Variants in CNOT1 observed in about 807,000 individuals in gnomAD.
The protein encoded by CNOT1 is CCR4-associated factor 1.
CNOT1 carries 15 observed loss-of-function variants against 273.8 expected under a neutral mutation model. The ratio of observed to expected loss-of-function variants is 0.05; its 90% CI spans 0.04 to 0.08. The LOEUF is 0.08. Ranked by LOEUF, CNOT1 falls within the 10% of genes least tolerant of loss-of-function variation. The probability of loss-of-function intolerance (pLI) is 1.00; values close to 1 mark genes in which losing one functional copy is unlikely to be tolerated. For missense variants in CNOT1, 1,644 were observed against 2,912.2 expected (o/e 0.56, Z 10.02); for synonymous variants, 1,022 against 1,005.5 (o/e 1.02, Z -0.31).
At chr16:58,592,038 T>C (rs2042078797) in intron 2 of CNOT1, among the ~76,000 whole-genome samples, 1 of 152,176 alleles carries the variant, frequency 6.6e-6, no homozygotes, top group Non-Finnish European at 1.5e-5. Context: ...TTGATATACT[T>C]AATTTTTCAT....
At chr16:58,552,747 A>G (rs895975357) in intron 22 of CNOT1, among the ~76,000 whole-genome samples, 1 of 152,228 alleles carries the variant, frequency 6.6e-6, no homozygotes, top group African/African-American at 2.4e-5. Context: ...ATAAGATCTT[A>G]TAAAGTTGCC....
At chr16:58,535,534 ACC>A (rs1007577324) in intron 39 of CNOT1, among the ~76,000 whole-genome samples, 5 of 152,228 alleles carry the variant, frequency 3.3e-5, no homozygotes, top group African/African-American at 1.2e-4. Flanking sequence ...CCACATCCAT[ACC>A]CACGAAATAG....
At chr16:58,537,338 T>C (rs1315403489) in intron 38 of CNOT1, 118 bp from the exon 39 acceptor site, 1 of 1,409,418 alleles carries the variant, frequency 7.1e-7, no homozygotes, top group African/African-American at 1.4e-5. Flanking sequence ...CACTTCGCTT[T>C]ACCACTTCCA....
intron 44 of CNOT1, 61 bp from the exon 45 acceptor site, chr16:58,526,199 A>G (rs1454437854): frequency 1.9e-6 from 3 of 1,580,514 alleles, no homozygotes; most frequent in South Asian, 1.1e-5. Flanking sequence ...AATTACATCT[A>G]TGCTTAAGTG....
chr16:58,623,592 T>C lies in CNOT1; in HGVS notation c.-175+6136A>G, dbSNP rs553948936. On this transcript the variant is annotated intron_variant, in intron 1 of 48. Coordinates refer to ENST00000317147, the MANE Select transcript of CNOT1 (RefSeq NM_016284.5). ...TGACTGGGTTCAGAGAGCTTCCAGATAGCTGAGGCACAGTGTAGCCAGGGG... is the reference window on the plus strand; with the variant it reads ...TGACTGGGTTCAGAGAGCTTCCAGACAGCTGAGGCACAGTGTAGCCAGGGG... Among the ~76,000 whole-genome samples the C allele has an allele frequency of 3.3e-5, 5 of 152,328 alleles. 1 individual carries two copies. The highest frequency in any genetic ancestry group is 2.6e-4 in the Admixed American group (4 of 15,288).
At chr16:58,560,173 A>G (rs1319156468) in intron 17 of CNOT1, 39 bp downstream of exon 17, 1 of 1,606,084 alleles carries the variant, frequency 6.2e-7, no homozygotes, top group Admixed American at 1.7e-5. Flanking sequence ...TTCCAAATCT[A>G]TGGCAAATGA....
Position 58,542,509 on chromosome 16 carries a change from G to A in CNOT1, c.4494C>T (p.Asp1498=). The A allele has an allele frequency of 6.4e-7, 1 of 1,558,596 alleles. No individual in the cohort carries two copies. The highest frequency in any genetic ancestry group is 1.4e-5 in the African/African-American group (1 of 70,076). ...TAAAACAGCAAGCCAACTCACAATT[G>A]TCCTGAGCTAATTGAGCAGCTGCCT... is the stretch of plus-strand genomic sequence containing the variant. ...MDQAAAQLAQ[D]NCELACCFIQ... Residue 1498 remains aspartate (D), a synonymous_variant, in exon 32 of 49, where the codon GAC becomes GAT. Coordinates refer to ENST00000317147, the MANE Select transcript of CNOT1 (RefSeq NM_016284.5).
chr16:58,587,190 AAG>A lies in CNOT1; in HGVS notation c.433+9_433+10del. ...TCTCACTTCGTGATATTTTTGGAAA[AAG>A]TAACTCACCGAAACCTCTAAGATCT... On this transcript the variant is annotated intron_variant, in intron 6 of 48. Transcript: ENST00000317147. 2 of 1,609,064 alleles carry A rather than the reference AAG, an allele frequency of 1.2e-6. No individual in the cohort carries two copies. The highest frequency in any genetic ancestry group is 1.7e-6 in the Non-Finnish European group (2 of 1,178,830).
At chr16:58,525,616 A>G (rs1403863533) in intron 45 of CNOT1, among the ~76,000 whole-genome samples, 1 of 152,262 alleles carries the variant, frequency 6.6e-6, no homozygotes, top group East Asian at 1.9e-4. Context: ...AAATCAAAAT[A>G]TGCACTGTGC....
intron 2 of CNOT1, among the ~76,000 whole-genome samples, chr16:58,598,207 T>G (rs2152005123): frequency 6.6e-6 from 1 of 152,204 alleles, no homozygotes; most frequent in African/African-American, 2.4e-5. Context: ...AAGACCAGCC[T>G]GGCCAACATG....
chr16:58,590,876 T>C (rs1165851848), intron 2 of CNOT1, among the ~76,000 whole-genome samples: 4 of 152,252 alleles, frequency 2.6e-5, no homozygotes, highest in African/African-American at 9.6e-5. Context: ...GCTGAGTATA[T>C]GCTACGTACT....
intron 16 of CNOT1, among the ~76,000 whole-genome samples, chr16:58,567,597 T>TG (rs1342690078): frequency 6.7e-6 from 1 of 148,308 alleles, no homozygotes; most frequent in Non-Finnish European, 1.5e-5. Flanking sequence ...CGACAGGGTA[T>TG]GGGCTGACTT....
intron 1 of CNOT1, among the ~76,000 whole-genome samples, chr16:58,620,511 C>T (rs1216090627): frequency 1.3e-5 from 2 of 151,902 alleles, no homozygotes; most frequent in African/African-American, 2.4e-5. Context: ...CGTGGTGTGG[C>T]AGGCACCTGT....
chr16:58,532,398 A>G lies in CNOT1; in HGVS notation c.5896-3T>C. ...ACTCCCACTACTATACCAAGGACCTACGTAAAACACAAATCAGAGCTTGTA... is the reference window on the plus strand; with the variant it reads ...ACTCCCACTACTATACCAAGGACCTGCGTAAAACACAAATCAGAGCTTGTA... On this transcript the variant is annotated splice_region_variant and splice_polypyrimidine_tract_variant and intron_variant, in intron 40 of 48. Coordinates refer to ENST00000317147, the MANE Select transcript of CNOT1 (RefSeq NM_016284.5). 1 of 1,611,116 alleles carries G rather than the reference A, an allele frequency of 6.2e-7. No homozygotes were observed. Among genetic ancestry groups the G allele is most frequent in the African/African-American group, 1.3e-5 (1 of 74,978 alleles).
intron 11 of CNOT1, among the ~76,000 whole-genome samples, 176 bp from the exon 12 acceptor site, chr16:58,580,936 T>C (rs1447585175): frequency 6.6e-6 from 1 of 152,202 alleles, no homozygotes; most frequent in African/African-American, 2.4e-5. Context: ...TAAAGGTGCA[T>C]AATGAAACCC....
chr16:58,547,125 C>A lies in CNOT1; in HGVS notation c.3750+61G>T. On this transcript the variant is annotated intron_variant, in intron 27 of 48. Coordinates refer to ENST00000317147, the MANE Select transcript of CNOT1 (RefSeq NM_016284.5). The surrounding 1 kb of genome is among the most constrained non-coding windows in gnomAD (Gnocchi z 4.0). ...AACTAAGAATATAATCTCTTGACCT[C>A]ATGCTAAAACAAAGCAATGCTTAGA... 6.4e-7 allele frequency: 1 copy of A among 1,569,400 alleles called. No homozygotes were observed. The highest frequency in any genetic ancestry group is 8.6e-7 in the Non-Finnish European group (1 of 1,156,804).
chr16:58,603,649 C>G (rs1027405861), intron 1 of CNOT1, among the ~76,000 whole-genome samples: 5 of 152,080 alleles, frequency 3.3e-5, no homozygotes, highest in African/African-American at 1.2e-4. Flanking sequence ...ACAGTGGCCT[C>G]CTTGTTGCTT....
chr16:58,569,674 T>A (rs1233299087), intron 16 of CNOT1, among the ~76,000 whole-genome samples: 1 of 141,718 alleles, frequency 7.1e-6, no homozygotes, highest in African/African-American at 2.6e-5. Flanking sequence ...TGAAGATAGA[T>A]CAATTAAAAT....
rs2040599652 is a variant in CNOT1 at position 58,555,497 on chromosome 16, T to C, written c.2645A>G (p.Lys882Arg). ...ACAGTTAAATACTTCTCGTTCCCTC[T>C]TTATAGTAGAGTCTTTAAATCTCTG... ...MLQRFKDSTI[K>R]REREVFNCML... The change falls in exon 21 of 49, where the codon AAG (lysine) becomes AGG (arginine). Residue 882 changes from lysine to arginine, a missense_variant. By Grantham distance (26) the Lys-to-Arg change is conservative (BLOSUM62 2). Transcript: ENST00000317147. 1.2e-6 allele frequency: 2 copies of C among 1,613,868 alleles called. No individual in the cohort carries two copies. The highest frequency in any genetic ancestry group is 1.7e-6 in the Non-Finnish European group (2 of 1,180,036).
Sources: gnomAD v4.1 joint callset for allele counts (sites outside exome capture counted in the v4.1 genomes callset) on GRCh38, gnomAD v4.1.1 for gene constraint, Gnocchi (gnomAD v3.1) non-coding constraint, MANE v1.5 for transcripts, NCBI Gene and HGNC (gene_info 2026-07-23, HGNC 2026-07-21) for gene names.